The following CEP112 variants were observed in gnomAD, a reference collection of about 807,000 sequenced individuals.
CEP112 encodes the protein centrosomal protein of 112 kDa.
CEP112 carries 127 observed loss-of-function variants against 153.0 expected under a neutral mutation model. The ratio of observed to expected loss-of-function variants is 0.83; its 90% CI spans 0.72 to 0.96. CEP112 has a LOEUF of 0.96. Among genes scored for constraint, CEP112 ranks in the 40% least tolerant of loss-of-function variants. The pLI is 0.00. For synonymous variants in CEP112, 358 were observed against 374.4 expected (o/e 0.96, Z 0.51); for missense variants, 1,089 against 1,101.2 (o/e 0.99, Z 0.16).
chr17:66,082,929 T>G (rs868291237), intron 8 of CEP112, among the ~76,000 whole-genome samples: 2 of 152,056 alleles, frequency 1.3e-5, no homozygotes, highest in South Asian at 2.1e-4. Flanking sequence ...TTTACTCATG[T>G]TAACATCTAA....
At chr17:66,039,540 G>C (rs932869826) in intron 12 of CEP112, among the ~76,000 whole-genome samples, 1 of 152,142 alleles carries the variant, frequency 6.6e-6, no homozygotes, top group South Asian at 2.1e-4. Context: ...CTGGGCAACA[G>C]AGCAAGACTG....
At chr17:65,757,735 T>C (rs920071242) in intron 21 of CEP112, among the ~76,000 whole-genome samples, 2 of 152,208 alleles carry the variant, frequency 1.3e-5, no homozygotes, top group Non-Finnish European at 1.5e-5. Flanking sequence ...ACCCCTCTTA[T>C]ATAAATCTAA....
chr17:65,755,152 T>TTA (rs2052171719), intron 21 of CEP112, among the ~76,000 whole-genome samples: 1 of 152,066 alleles, frequency 6.6e-6, no homozygotes, highest in Admixed American at 6.5e-5. Context: ...TCTGGGTTAA[T>TTA]TTATAAACAA....
Position 66,006,777 on chromosome 17 carries a change from T to A in CEP112, c.1657-1008A>T, listed in dbSNP as rs535899180. ...GCTCTACATACATGGCAACTGAGGATGCAGAGCCCAGGTGGGAGGTGGGAA... is the reference window on the plus strand; with the variant it reads ...GCTCTACATACATGGCAACTGAGGAAGCAGAGCCCAGGTGGGAGGTGGGAA... On this transcript the variant is annotated intron_variant, in intron 16 of 26. Transcript: ENST00000535342. Among the ~76,000 whole-genome samples the A allele has an allele frequency of 3.3e-5, 5 of 152,242 alleles. No homozygotes were observed. The South Asian group carries it at 1.0e-3, about 32-fold the overall frequency.
At chr17:66,182,527 C>T (rs937527881) in intron 2 of CEP112, 1 of 152,196 alleles carries the variant, frequency 6.6e-6, no homozygotes, top group Non-Finnish European at 1.5e-5. Flanking sequence ...TCCAAACCTA[C>T]CACTCAAAAG....
At chr17:66,084,803 A>T (rs2067856419) in intron 8 of CEP112, among the ~76,000 whole-genome samples, 1 of 152,196 alleles carries the variant, frequency 6.6e-6, no homozygotes, top group East Asian at 1.9e-4. Flanking sequence ...ATTTTAAAAC[A>T]ACTAAATGAG....
intron 21 of CEP112, among the ~76,000 whole-genome samples, chr17:65,776,953 A>G (rs369976337): frequency 6.0e-4 from 92 of 152,330 alleles, no homozygotes; most frequent in African/African-American, 2.1e-3. Flanking sequence ...TTTATTTCTG[A>G]GAATGAATAT....
At chr17:65,977,864 C>T (rs2063093812) in intron 17 of CEP112, among the ~76,000 whole-genome samples, 1 of 152,162 alleles carries the variant, frequency 6.6e-6, no homozygotes, top group Non-Finnish European at 1.5e-5. Context: ...CACTTGAAGT[C>T]AGGAGTTCAA....
rs1352153036 is a variant in CEP112, at chr17:66,191,658, C to T, written c.-9+339G>A. The T allele has an allele frequency of 6.5e-6, 1 of 153,208 alleles. No homozygotes were observed. The highest frequency in any genetic ancestry group is 2.4e-5 in the African/African-American group (1 of 41,486). The allele number at this position is 153,208 out of a possible 1,614,324, so 9.5% of individuals were successfully genotyped here. On this transcript the variant is annotated intron_variant, in intron 1 of 26. Coordinates refer to ENST00000535342, the MANE Select transcript of CEP112 (RefSeq NM_001199165.4). This position sits in a 1 kb window ranked among gnomAD's most constrained non-coding sequence, Gnocchi z 4.2. Reference sequence around the variant, plus strand: ...GGCCCAGGCCCAGGCCGCGCTCCTACCTTGTCCAGGACACAGATTTCCTCT... The same window carrying T: ...GGCCCAGGCCCAGGCCGCGCTCCTATCTTGTCCAGGACACAGATTTCCTCT...
At chr17:65,818,289 A>C (rs1305602820) in intron 21 of CEP112, among the ~76,000 whole-genome samples, 1 of 151,918 alleles carries the variant, frequency 6.6e-6, no homozygotes, top group Non-Finnish European at 1.5e-5. Flanking sequence ...TACCATGAAA[A>C]GAGTTTTTAA....
At chr17:65,777,997 C>T (rs1179377285) in intron 21 of CEP112, among the ~76,000 whole-genome samples, 1 of 150,040 alleles carries the variant, frequency 6.7e-6, no homozygotes, top group East Asian at 2.0e-4. Flanking sequence ...ACAGTATTCT[C>T]CTGACCTGTC....
chr17:65,766,199 A>G (rs2052959096), intron 21 of CEP112, among the ~76,000 whole-genome samples: 1 of 138,872 alleles, frequency 7.2e-6, no homozygotes, highest in South Asian at 2.4e-4. Context: ...AATTCAATGA[A>G]TGAAATTTAA....
intron 24 of CEP112, among the ~76,000 whole-genome samples, chr17:65,660,236 C>CTCTT (rs150694518): frequency 0.45 from 62,046 of 137,212 alleles, 14,583 homozygotes; most frequent in East Asian, 0.76. Flanking sequence ...TCCTTCCTTC[C>CTCTT]TCTTTTTTGT....
At chr17:65,727,378 G>A (rs558045559) in intron 23 of CEP112, among the ~76,000 whole-genome samples, 2 of 152,266 alleles carry the variant, frequency 1.3e-5, no homozygotes, top group Admixed American at 1.3e-4. Flanking sequence ...TGTAAGACAA[G>A]GACATCACAG....
chr17:65,874,268 T>G (rs1184185395), intron 20 of CEP112, among the ~76,000 whole-genome samples: 1 of 152,174 alleles, frequency 6.6e-6, no homozygotes, highest in Admixed American at 6.5e-5. Flanking sequence ...TTCACTTTTT[T>G]GTACTTTTAG....
At chr17:66,028,994 C>A in intron 14 of CEP112, 129 bp downstream of exon 14, 3 of 712,154 alleles carry the variant, frequency 4.2e-6, no homozygotes, top group Non-Finnish European at 4.4e-6. Flanking sequence ...CCTGAAGTTC[C>A]TGTTAATTTA....
chr17:65,832,771 T>G (rs1051276103), intron 21 of CEP112, among the ~76,000 whole-genome samples: 1 of 151,914 alleles, frequency 6.6e-6, no homozygotes, highest in East Asian at 1.9e-4. Flanking sequence ...TTCTACCAGA[T>G]GTACACAGAA....
intron 21 of CEP112, among the ~76,000 whole-genome samples, chr17:65,786,121 A>T (rs1033383589): frequency 1.3e-5 from 2 of 152,158 alleles, no homozygotes; most frequent in African/African-American, 4.8e-5. Context: ...TTCAAGATAC[A>T]TATTTTGCAC....
At chr17:66,126,140 T>C (rs1239946240) in intron 6 of CEP112, among the ~76,000 whole-genome samples, 1 of 152,202 alleles carries the variant, frequency 6.6e-6, no homozygotes, top group East Asian at 1.9e-4. Flanking sequence ...TATGCCTCAC[T>C]TATCAAAGAA....
Sources: gnomAD v4.1 joint callset for allele counts (sites outside exome capture counted in the v4.1 genomes callset) on GRCh38, gnomAD v4.1.1 for gene constraint, Gnocchi (gnomAD v3.1) non-coding constraint, MANE v1.5 for transcripts, NCBI Gene and HGNC (gene_info 2026-07-23, HGNC 2026-07-21) for gene names.